ABHD11: variants seen among roughly 807,000 people sequenced by gnomAD.
The protein encoded by ABHD11 is sn-1-specific diacylglycerol lipase ABHD11.
In ABHD11, 26 loss-of-function variants were observed where a neutral mutation model predicts 29.0. The observed-to-expected ratio is 0.90, with a 90% CI of 0.66 to 1.24. The LOEUF is 1.24. ABHD11 is among the 50% of genes most tolerant of loss of function. ABHD11 has a pLI of 0.00. For synonymous variants in ABHD11, 169 were observed against 166.4 expected, an observed-to-expected ratio of 1.02 and a Z score of -0.12; for missense variants, 381 against 422.4, an observed-to-expected ratio of 0.90 and a Z score of 0.86.
chr7:73,737,447 C>G, intron 3 of ABHD11, 56 bp from the exon 4 acceptor site: 1 of 1,575,300 alleles, frequency 6.3e-7, no homozygotes, highest in Admixed American at 1.7e-5. Context: ...GAGTCTCAGG[C>G]ATGGCTCCTG....
chr7:73,736,753 G>C, intron 5 of ABHD11, 62 bp from the exon 6 acceptor site: 1 of 1,609,832 alleles, frequency 6.2e-7, no homozygotes. Context: ...GAGTGAAAGA[G>C]ACACGTGGAA....
rs985522243 is a variant in ABHD11, at chr7:73,736,656, G to T, written c.824C>A (p.Pro275His). The T allele has an allele frequency of 6.8e-6, 11 of 1,614,002 alleles. No homozygotes were observed. Among genetic ancestry groups the T allele is most frequent in the Non-Finnish European group, 7.6e-6 (9 of 1,180,018 alleles). Residue 275 changes from proline (P) to histidine (H), a missense_variant, in exon 6 of 6, where the codon CCT (proline) becomes CAT (histidine). Transcript: ENST00000222800. ...CGGCACCGTCTGCATCTGGGCCCGA[G>T]GGAAGAGCCGCATAATCTCAGGGTG... ...SHHPEIMRLF[P>H]RAQMQTVPNA...
At chr7:73,737,454 C>T in intron 3 of ABHD11, 63 bp from the exon 4 acceptor site, 1 of 1,570,344 alleles carries the variant, frequency 6.4e-7, no homozygotes, top group South Asian at 1.2e-5. Context: ...AGGCATGGCT[C>T]CTGGAGCCTG....
chr7:73,736,331 C>T lies in ABHD11; in HGVS notation c.*228G>A, dbSNP rs2130304214. 1.8e-6 allele frequency: 1 copy of T among 540,726 alleles called. No individual in the cohort carries two copies. Among genetic ancestry groups the T allele is most frequent in the South Asian group, 1.8e-5 (1 of 54,902 alleles). The allele number at this position is 540,726 out of a possible 1,614,324, so 33.5% of individuals were successfully genotyped here. The stretch of plus-strand genomic sequence containing the variant: ...CTCGGCTCATTGCAACCTCTGCCTC[C>T]AGGGTTCAAGTGATTCTCCTGCCTC... On this transcript the variant is annotated 3_prime_UTR_variant, in exon 6 of 6. Coordinates refer to ENST00000222800, the MANE Select transcript of ABHD11 (RefSeq NM_148912.4).
chr7:73,738,488 G>T, intron 1 of ABHD11, 25 bp from the exon 2 acceptor site: 9 of 1,602,800 alleles, frequency 5.6e-6, no homozygotes, highest in Non-Finnish European at 7.7e-6. Flanking sequence ...ATCGAGGTCA[G>T]AGTCTGAGCC....
In ABHD11 at chr7:73,737,468, T is replaced by C; in HGVS notation, c.436-77A>G. The C allele has an allele frequency of 1.7e-5, 27 of 1,565,070 alleles. No homozygotes were observed. In the South Asian group the frequency reaches 3.3e-4, roughly 19 times the overall value. ...CAGGCATGGCTCCTGGAGCCTGAAC[T>C]TGGTCATCCAACGATCATGTGAGTC... On this transcript the variant is annotated intron_variant, in intron 3 of 5. Transcript: ENST00000222800.
chr7:73,738,165 T>C (rs1266820695), intron 2 of ABHD11, 163 bp downstream of exon 2: 1 of 1,192,426 alleles, frequency 8.4e-7, no homozygotes, highest in African/African-American at 1.5e-5. Context: ...TTAATGAAGA[T>C]GGCAACGTGA....
Sources: allele counts gnomAD v4.1 joint callset, GRCh38; gene constraint gnomAD v4.1.1; transcripts MANE v1.5; gene names NCBI Gene and HGNC (gene_info 2026-07-23, HGNC 2026-07-21).